The following CTNNBIP1 variants were observed in gnomAD, a reference collection of about 807,000 sequenced individuals.
CTNNBIP1 encodes the protein beta-catenin-interacting protein 1.
In CTNNBIP1, 7 loss-of-function variants were observed where a neutral mutation model predicts 11.8. That is an observed-to-expected ratio of 0.60 (90% CI 0.34 to 1.12). The LOEUF (loss-of-function observed/expected upper bound fraction) is 1.12. Among genes scored for constraint, CTNNBIP1 ranks in the 50% most tolerant of loss-of-function variants. The probability of loss-of-function intolerance (pLI) is 0.03; values close to 1 mark genes in which losing one functional copy is unlikely to be tolerated. For synonymous variants in CTNNBIP1, 58 were observed against 43.9 expected, an observed-to-expected ratio of 1.32 and a Z score of -1.26; for missense variants, 101 against 113.4, an observed-to-expected ratio of 0.89 and a Z score of 0.50.
At chr1:9,874,989 A>G (rs964076432) in intron 3 of CTNNBIP1, among the ~76,000 whole-genome samples, 3 of 152,188 alleles carry the variant, frequency 2.0e-5, no homozygotes, top group African/African-American at 4.8e-5. Flanking sequence ...CCTAAGGGCT[A>G]GTTTTCATTT....
At chr1:9,881,922 C>A (rs538338793) in intron 2 of CTNNBIP1, among the ~76,000 whole-genome samples, 8 of 152,194 alleles carry the variant, frequency 5.3e-5, no homozygotes, top group Admixed American at 1.3e-4. Context: ...AACCACACAA[C>A]ACAAGGCAAA....
At chr1:9,886,754 A>G (rs1216632116) in intron 1 of CTNNBIP1, among the ~76,000 whole-genome samples, 1 of 152,170 alleles carries the variant, frequency 6.6e-6, no homozygotes, top group Non-Finnish European at 1.5e-5. Context: ...GACGGGGGGC[A>G]GAGGCCTGCC....
chr1:9,867,337 C>G lies in CTNNBIP1; in HGVS notation c.187+3850G>C, dbSNP rs1277875597. 6.6e-6 allele frequency among the ~76,000 whole-genome samples: 1 copy of G among 152,190 alleles called. No individual in the cohort carries two copies. Among genetic ancestry groups the G allele is most frequent in the African/African-American group, 2.4e-5 (1 of 41,454 alleles). Reference sequence around the variant, plus strand: ...GGCCCCCACCCCAGGGTCTCCAGCACCTGCCTGGCTCCCCATAGATACTCA... The same window carrying G: ...GGCCCCCACCCCAGGGTCTCCAGCAGCTGCCTGGCTCCCCATAGATACTCA... On this transcript the variant is annotated intron_variant, in intron 5 of 5. Transcript: ENST00000377263. The surrounding 1 kb of genome is among the most constrained non-coding windows in gnomAD (Gnocchi z 4.6).
At chr1:9,856,862 G>A (rs190822507) in intron 5 of CTNNBIP1, among the ~76,000 whole-genome samples, 191 of 152,078 alleles carry the variant, frequency 1.3e-3, no homozygotes, top group Non-Finnish European at 1.6e-3. Flanking sequence ...AGTGGCTCAC[G>A]CCTGTAATTC....
At chr1:9,869,062 C>T (rs997621167) in intron 5 of CTNNBIP1, among the ~76,000 whole-genome samples, 1 of 150,194 alleles carries the variant, frequency 6.7e-6, no homozygotes, top group African/African-American at 2.5e-5. Flanking sequence ...TGCAGTGGTG[C>T]GATCATGGCT....
chr1:9,869,506 G>C (rs1638814622), intron 5 of CTNNBIP1, among the ~76,000 whole-genome samples: 4 of 152,050 alleles, frequency 2.6e-5, no homozygotes. Context: ...TGTATTTTTA[G>C]TAGAGATGGG....
rs142793704 is a variant in CTNNBIP1, at chr1:9,897,523, G to A, written c.-144+12572C>T. Among the ~76,000 whole-genome samples the A allele has an allele frequency of 9.6e-3, 1,464 of 152,110 alleles. 27 individuals carry two copies. The highest frequency in any genetic ancestry group is 0.032 in the African/African-American group (1,345 of 41,498). The stretch of plus-strand genomic sequence containing the variant: ...GAGAATTAGCCAGGCATGGTGGCGC[G>A]TGCCTGTAATCCCAGCTACTCAGGA... On this transcript the variant is annotated intron_variant, in intron 1 of 5. Coordinates refer to ENST00000377263, the MANE Select transcript of CTNNBIP1 (RefSeq NM_020248.3).
intron 1 of CTNNBIP1, among the ~76,000 whole-genome samples, chr1:9,908,389 T>C (rs1389198872): frequency 2.2e-4 from 29 of 134,854 alleles, no homozygotes; most frequent in African/African-American, 7.6e-4. Context: ...TTTTTTTTTT[T>C]TTGAGACGGA....
intron 1 of CTNNBIP1, among the ~76,000 whole-genome samples, chr1:9,898,461 T>C (rs1570598511): frequency 6.6e-6 from 1 of 152,060 alleles, no homozygotes; most frequent in Non-Finnish European, 1.5e-5. Context: ...GAGTCGGAGG[T>C]TGCAGTGAGC....
intron 1 of CTNNBIP1, among the ~76,000 whole-genome samples, chr1:9,901,288 G>A (rs1160567444): frequency 1.3e-5 from 2 of 152,200 alleles, no homozygotes; most frequent in Non-Finnish European, 2.9e-5. Flanking sequence ...AGGGCTGCCT[G>A]AGGCAGGTGG....
chr1:9,880,738 C>T (rs1028292653), intron 2 of CTNNBIP1, among the ~76,000 whole-genome samples: 9 of 152,168 alleles, frequency 5.9e-5, no homozygotes, highest in Non-Finnish European at 1.2e-4. Flanking sequence ...GCTCAAAGTC[C>T]CTGGACCCCA....
chr1:9,887,317 G>T (rs1296631675), intron 1 of CTNNBIP1, among the ~76,000 whole-genome samples: 1 of 152,230 alleles, frequency 6.6e-6, no homozygotes, highest in Non-Finnish European at 1.5e-5. Flanking sequence ...AGGCCATGGA[G>T]TAATAAGTGG....
rs184220329 is a variant in CTNNBIP1, at chr1:9,888,886, G to T, written c.-143-5148C>A. On this transcript the variant is annotated intron_variant, in intron 1 of 5. Transcript: ENST00000377263. ...TGAAGGCCCTTTCGGAAGGTTCTGGGAGCATTTAAATCAAATCCACCTGAC... is the reference window on the plus strand; with the variant it reads ...TGAAGGCCCTTTCGGAAGGTTCTGGTAGCATTTAAATCAAATCCACCTGAC... Among the ~76,000 whole-genome samples the T allele has an allele frequency of 8.1e-4, 123 of 152,310 alleles. 1 individual carries two copies. The highest frequency in any genetic ancestry group is 2.9e-3 in the African/African-American group (120 of 41,576).
At chr1:9,903,872 A>G (rs1639569135) in intron 1 of CTNNBIP1, among the ~76,000 whole-genome samples, 1 of 152,192 alleles carries the variant, frequency 6.6e-6, no homozygotes, top group South Asian at 2.1e-4. Context: ...GAGAATCAGT[A>G]TATGACATGG....
intron 5 of CTNNBIP1, among the ~76,000 whole-genome samples, chr1:9,864,421 C>T (rs564590468): frequency 4.6e-5 from 7 of 152,206 alleles, no homozygotes; most frequent in Admixed American, 2.0e-4. Context: ...CTCCGCCTCC[C>T]GGGTTCACGC....
chr1:9,856,339 A>C (rs935762859), intron 5 of CTNNBIP1, among the ~76,000 whole-genome samples: 16 of 151,928 alleles, frequency 1.1e-4, no homozygotes. Context: ...ATGATATCTA[A>C]AGCACAAGCA....
intron 3 of CTNNBIP1, among the ~76,000 whole-genome samples, chr1:9,874,410 A>G (rs1220811936): frequency 1.3e-5 from 2 of 152,112 alleles, no homozygotes; most frequent in Non-Finnish European, 2.9e-5. Context: ...GCATGCCACA[A>G]CACCCTGCCA....
At chr1:9,856,752 G>A (rs568866106) in intron 5 of CTNNBIP1, among the ~76,000 whole-genome samples, 18 of 151,828 alleles carry the variant, frequency 1.2e-4, no homozygotes, top group Non-Finnish European at 2.5e-4. Context: ...GACCTTGGGT[G>A]ATCCACCTGC....
chr1:9,907,080 T>C (rs377162065), intron 1 of CTNNBIP1, among the ~76,000 whole-genome samples: 1 of 152,238 alleles, frequency 6.6e-6, no homozygotes, highest in Non-Finnish European at 1.5e-5. Flanking sequence ...CTGGCCTGTG[T>C]AACCCCCAAG....
Sources: gnomAD v4.1 joint callset for allele counts (sites outside exome capture counted in the v4.1 genomes callset) on GRCh38, gnomAD v4.1.1 for gene constraint, Gnocchi (gnomAD v3.1) non-coding constraint, MANE v1.5 for transcripts, NCBI Gene and HGNC (gene_info 2026-07-23, HGNC 2026-07-21) for gene names.